SRGAP3: variants seen among roughly 807,000 people sequenced by gnomAD.
SRGAP3 encodes the protein SLIT-ROBO Rho GTPase-activating protein 3.
In SRGAP3, 39 loss-of-function variants were observed where a neutral mutation model predicts 121.1. The ratio of observed to expected loss-of-function variants is 0.32; its 90% confidence interval spans 0.25 to 0.42. SRGAP3 has a LOEUF of 0.42. Among genes scored for constraint, SRGAP3 ranks in the 10% least tolerant of loss-of-function variants. SRGAP3 has a pLI of 1.00. For synonymous variants in SRGAP3, 601 were observed against 570.0 expected, an observed-to-expected ratio of 1.05 and a Z score of -0.77; for missense variants, 1,213 against 1,470.6, an observed-to-expected ratio of 0.82 and a Z score of 2.86.
At position 9,302,055 on chromosome 3, in the gene SRGAP3, C is replaced by T. The variant is rs147973149; in HGVS notation, n.442+23955G>A. ...GCCGAGAGCTAACATTTTTATTGTG[C>T]TTATCATGTGCTTACAACCGTCCTC... On this transcript the variant is annotated intron_variant and non_coding_transcript_variant, in intron 3 of 3. Transcript: ENST00000490889. 3.2e-3 allele frequency among the ~76,000 whole-genome samples: 483 copies of T among 152,254 alleles called. 2 individuals are homozygous for T. The highest frequency in any genetic ancestry group is 0.011 in the African/African-American group (453 of 41,536).
At chr3:9,177,067 G>C (rs1419380603) in intron 1 of SRGAP3, among the ~76,000 whole-genome samples, 6 of 152,146 alleles carry the variant, frequency 3.9e-5, no homozygotes, top group African/African-American at 1.4e-4. Context: ...TTAACCTGAA[G>C]TTCAGAGACT....
chr3:9,096,418 C>A (rs1345008250), intron 3 of SRGAP3, among the ~76,000 whole-genome samples: 1 of 152,142 alleles, frequency 6.6e-6, no homozygotes, highest in African/African-American at 2.4e-5. Flanking sequence ...GTGGCTGGCA[C>A]ACAGAAGCAT....
intron 21 of SRGAP3, among the ~76,000 whole-genome samples, chr3:8,987,764 A>G (rs916538535): frequency 3.5e-5 from 5 of 143,072 alleles, no homozygotes; most frequent in African/African-American, 1.5e-4. Flanking sequence ...GCCTTATCCA[A>G]AAGGAGGCGC....
intron 1 of SRGAP3, among the ~76,000 whole-genome samples, chr3:9,195,538 C>T (rs982016455): frequency 2.0e-5 from 3 of 152,116 alleles, no homozygotes; most frequent in African/African-American, 7.2e-5. Context: ...TACCTGAAGC[C>T]ACTTCCTCCC....
chr3:9,254,854 G>C (rs1185047601), intron 3 of SRGAP3, among the ~76,000 whole-genome samples: 1 of 141,568 alleles, frequency 7.1e-6, no homozygotes, highest in African/African-American at 2.6e-5. Flanking sequence ...AGGGAGGGAG[G>C]GAAGGAAAGA....
chr3:9,179,282 T>C (rs1951293926), intron 1 of SRGAP3, among the ~76,000 whole-genome samples: 1 of 152,204 alleles, frequency 6.6e-6, no homozygotes, highest in Non-Finnish European at 1.5e-5. Flanking sequence ...GCAGGTACCA[T>C]CAAGGCTACC....
intron 1 of SRGAP3, among the ~76,000 whole-genome samples, chr3:9,357,074 G>A (rs1407888245): frequency 1.3e-5 from 2 of 151,794 alleles, no homozygotes; most frequent in Admixed American, 6.6e-5. Context: ...ACCAGCCTGG[G>A]CAACATGGCA....
chr3:8,990,172 G>T (rs187842560), intron 21 of SRGAP3, among the ~76,000 whole-genome samples: 1 of 152,238 alleles, frequency 6.6e-6, no homozygotes, highest in Admixed American at 6.5e-5. Flanking sequence ...AATGAAGAGA[G>T]AAATGAATGA....
At chr3:9,253,196 C>T (rs2600175), upstream of SRGAP3, among the ~76,000 whole-genome samples, 95,833 of 152,064 alleles carry the variant, frequency 0.63, 30,627 homozygotes, top group South Asian at 0.75. Context: ...CTTAATTGCA[C>T]TGAAGCCCAG....
intron 1 of SRGAP3, chr3:9,192,515 C>G (rs965204612): frequency 6.6e-6 from 1 of 152,226 alleles, no homozygotes; most frequent in African/African-American, 2.4e-5. Flanking sequence ...TATGTTTTGT[C>G]ACACATCATT....
chr3:9,061,886 C>T (rs890662496), intron 5 of SRGAP3, among the ~76,000 whole-genome samples: 1 of 152,198 alleles, frequency 6.6e-6, no homozygotes, highest in Non-Finnish European at 1.5e-5. Context: ...AGAGCTGTCC[C>T]CTGCTCCTTT....
chr3:9,125,760 ATCC>A (rs1949200172), intron 1 of SRGAP3, among the ~76,000 whole-genome samples: 1 of 152,208 alleles, frequency 6.6e-6, no homozygotes, highest in African/African-American at 2.4e-5. Context: ...TTTCCAGGCC[ATCC>A]CAAGAGCTGC....
chr3:9,354,801 T>C (rs2030404682), intron 1 of SRGAP3, among the ~76,000 whole-genome samples: 1 of 152,144 alleles, frequency 6.6e-6, no homozygotes, highest in Admixed American at 6.5e-5. Context: ...CTATATCTGA[T>C]ATGAATCATC....
At chr3:9,169,301 T>C (rs550311757) in intron 1 of SRGAP3, among the ~76,000 whole-genome samples, 1 of 152,224 alleles carries the variant, frequency 6.6e-6, no homozygotes, top group African/African-American at 2.4e-5. Context: ...CCTGCCCTTG[T>C]GGAGTTGACA....
intron 12 of SRGAP3, among the ~76,000 whole-genome samples, chr3:9,030,778 C>T (rs1944445233): frequency 6.6e-6 from 1 of 152,182 alleles, no homozygotes; most frequent in Admixed American, 6.5e-5. Context: ...CACCCATTTC[C>T]AAAGACCTAA....
At chr3:9,200,870 A>C (rs1480621657) in intron 1 of SRGAP3, among the ~76,000 whole-genome samples, 1 of 152,036 alleles carries the variant, frequency 6.6e-6, no homozygotes, top group Non-Finnish European at 1.5e-5. Flanking sequence ...GCTGACACAC[A>C]CTCTCATTTA....
chr3:9,042,150 C>T (rs1044638455), intron 10 of SRGAP3, among the ~76,000 whole-genome samples: 1 of 150,296 alleles, frequency 6.7e-6, no homozygotes, highest in African/African-American at 2.4e-5. Context: ...GATTAATTTT[C>T]ATGACATATT....
At chr3:9,295,516 G>A (rs1010596684) in intron 3 of SRGAP3, among the ~76,000 whole-genome samples, 1 of 152,128 alleles carries the variant, frequency 6.6e-6, no homozygotes, top group African/African-American at 2.4e-5. Context: ...TCTTCATCCT[G>A]AGAGCCCACT....
At chr3:9,038,995 A>G (rs1334247887) in intron 10 of SRGAP3, among the ~76,000 whole-genome samples, 1 of 152,086 alleles carries the variant, frequency 6.6e-6, no homozygotes, top group African/African-American at 2.4e-5. Context: ...GTCTGGAGGC[A>G]CTACTGCTTC....
Sources: gnomAD v4.1 joint callset for allele counts (sites outside exome capture counted in the v4.1 genomes callset) on GRCh38, gnomAD v4.1.1 for gene constraint, MANE v1.5 for transcripts, NCBI Gene and HGNC (gene_info 2026-07-23, HGNC 2026-07-21) for gene names.